The following FAM107B variants were observed in gnomAD, a reference collection of about 807,000 sequenced individuals.
FAM107B encodes protein FAM107B.
Under a neutral mutation model 31.5 loss-of-function variants are expected in FAM107B, and 21 were observed. That is an observed-to-expected ratio of 0.67 (90% CI 0.47 to 0.96). The LOEUF is 0.96. Ranked by LOEUF, FAM107B falls within the 40% of genes least tolerant of loss-of-function variation. The probability of loss-of-function intolerance (pLI) is 0.00; values close to 1 mark genes in which losing one functional copy is unlikely to be tolerated. For synonymous variants in FAM107B, 157 were observed against 141.5 expected, an observed-to-expected ratio of 1.11 and a Z score of -0.78; for missense variants, 452 against 377.1, an observed-to-expected ratio of 1.20 and a Z score of -1.64.
At chr10:14,701,005 A>G (rs1015951576) in intron 1 of FAM107B, among the ~76,000 whole-genome samples, 1 of 152,006 alleles carries the variant, frequency 6.6e-6, no homozygotes, top group African/African-American at 2.4e-5. Context: ...AGTGAAACCT[A>G]GTCATATTTT....
At chr10:14,664,286 C>T (rs1854349499) in intron 2 of FAM107B, among the ~76,000 whole-genome samples, 1 of 152,216 alleles carries the variant, frequency 6.6e-6, no homozygotes, top group South Asian at 2.1e-4. Flanking sequence ...GCTACCATTT[C>T]TCTATAACTC....
chr10:14,618,830 G>C (rs942990891), intron 2 of FAM107B, among the ~76,000 whole-genome samples: 11 of 151,298 alleles, frequency 7.3e-5, no homozygotes, highest in Non-Finnish European at 1.5e-4. Flanking sequence ...GAGTGAGACT[G>C]CTTAAAAAAA....
At chr10:14,711,641 T>G (rs543031015) in intron 1 of FAM107B, among the ~76,000 whole-genome samples, 45 of 152,312 alleles carry the variant, frequency 3.0e-4, no homozygotes, top group South Asian at 8.3e-4. Context: ...GTATCCCTGC[T>G]TTTTTTAGTT....
intron 2 of FAM107B, among the ~76,000 whole-genome samples, chr10:14,567,822 C>T (rs1033223277): frequency 4.6e-5 from 7 of 152,184 alleles, no homozygotes; most frequent in African/African-American, 9.6e-5. Context: ...AGCTCAGAAG[C>T]GGTTCCTGGT....
chr10:14,773,659 T>A (rs529293383), intron 1 of FAM107B, among the ~76,000 whole-genome samples: 2 of 151,978 alleles, frequency 1.3e-5, no homozygotes, highest in African/African-American at 2.4e-5. Context: ...CCATTTTTTT[T>A]AAATAACTTC....
At chr10:14,595,571 G>A (rs551071610) in intron 2 of FAM107B, among the ~76,000 whole-genome samples, 22 of 152,040 alleles carry the variant, frequency 1.4e-4, no homozygotes, top group African/African-American at 1.9e-4. Context: ...GACCACAGGC[G>A]TGCACCACCA....
chr10:14,607,730 A>C (rs1042580938), intron 2 of FAM107B, among the ~76,000 whole-genome samples: 6 of 152,188 alleles, frequency 3.9e-5, no homozygotes, highest in Non-Finnish European at 8.8e-5. Flanking sequence ...GACACAGTTT[A>C]TCAGGTGGCT....
intron 2 of FAM107B, among the ~76,000 whole-genome samples, chr10:14,649,959 C>A (rs1175937664): frequency 6.6e-6 from 1 of 152,228 alleles, no homozygotes; most frequent in African/African-American, 2.4e-5. Flanking sequence ...CAGGCATGTC[C>A]TGTGCGTTTC....
intron 2 of FAM107B, among the ~76,000 whole-genome samples, chr10:14,585,841 TATTA>T (rs1851807012): frequency 6.6e-6 from 1 of 152,134 alleles, no homozygotes; most frequent in Non-Finnish European, 1.5e-5. Flanking sequence ...AGGGTGACCA[TATTA>T]ATTGTCGACC....
intron 2 of FAM107B, among the ~76,000 whole-genome samples, chr10:14,648,635 C>T (rs1021328408): frequency 6.6e-6 from 1 of 152,322 alleles, no homozygotes; most frequent in Middle Eastern, 3.4e-3. Flanking sequence ...AGAGGACAGG[C>T]ACCTTCTGCC....
intron 1 of FAM107B, among the ~76,000 whole-genome samples, chr10:14,732,149 T>C (rs1286373510): frequency 6.6e-6 from 1 of 152,168 alleles, no homozygotes; most frequent in African/African-American, 2.4e-5. Context: ...CAAACTACTC[T>C]CTATACCACC....
intron 2 of FAM107B, chr10:14,542,721 T>C (rs1333883190): frequency 2.0e-5 from 3 of 152,208 alleles, no homozygotes; most frequent in Non-Finnish European, 4.4e-5. Context: ...TCTTAACACA[T>C]ACCAGTACAG....
At chr10:14,621,537 T>A (rs540409242) in intron 2 of FAM107B, among the ~76,000 whole-genome samples, 2 of 152,338 alleles carry the variant, frequency 1.3e-5, no homozygotes, top group South Asian at 4.1e-4. Context: ...AACAAGACAT[T>A]TGATTAAAGA....
At chr10:14,751,495 A>G (rs564508283) in intron 1 of FAM107B, among the ~76,000 whole-genome samples, 237 of 149,054 alleles carry the variant, frequency 1.6e-3, no homozygotes, top group African/African-American at 5.9e-3. Flanking sequence ...GTGAACTTAT[A>G]TGGGATTTTT....
chr10:14,584,296 C>CA (rs1851752594), intron 2 of FAM107B, among the ~76,000 whole-genome samples: 1 of 152,158 alleles, frequency 6.6e-6, no homozygotes, highest in Admixed American at 6.5e-5. Flanking sequence ...TCCCTGTCCT[C>CA]AGAGTTGCCA....
intron 1 of FAM107B, among the ~76,000 whole-genome samples, chr10:14,727,559 T>C (rs1446358181): frequency 6.6e-6 from 1 of 152,216 alleles, no homozygotes; most frequent in Non-Finnish European, 1.5e-5. Flanking sequence ...AACTGATGAC[T>C]CTTGGGAATT....
chr10:14,555,207 TA>T (rs61577859), intron 2 of FAM107B, among the ~76,000 whole-genome samples: 122,095 of 152,158 alleles, frequency 0.8, 49,480 homozygotes, highest in East Asian at 0.89. Flanking sequence ...AAAGCACCCA[TA>T]AAGCCTAAAT....
At chr10:14,717,141 C>T (rs1272332014) in intron 1 of FAM107B, among the ~76,000 whole-genome samples, 4 of 152,076 alleles carry the variant, frequency 2.6e-5, no homozygotes, top group South Asian at 2.1e-4. Context: ...GGCAACCACC[C>T]GACAAAGCAG....
chr10:14,710,737 T>A (rs986001094), intron 1 of FAM107B, among the ~76,000 whole-genome samples: 9 of 152,156 alleles, frequency 5.9e-5, no homozygotes, highest in Non-Finnish European at 7.4e-5. Flanking sequence ...TAAATTTTTT[T>A]AAAAAGAAAC....
Sources: allele counts gnomAD v4.1 joint callset (sites outside exome capture counted in the v4.1 genomes callset), GRCh38; gene constraint gnomAD v4.1.1; transcripts MANE v1.5; gene names NCBI Gene and HGNC (gene_info 2026-07-23, HGNC 2026-07-21).